The following GALNT9 variants were observed in gnomAD, a reference collection of about 807,000 sequenced individuals.
The protein encoded by GALNT9 is polypeptide N-acetylgalactosaminyltransferase 9, also known as GalNAc transferase 9.
A neutral mutation model predicts 63.1 loss-of-function variants in GALNT9; 47 were observed. That is an observed-to-expected ratio of 0.75 (90% confidence interval 0.59 to 0.95). GALNT9 has a LOEUF of 0.95. Ranked by LOEUF, GALNT9 falls within the 40% of genes least tolerant of loss-of-function variation. The pLI, the probability that GALNT9 is intolerant of heterozygous loss-of-function variation, is 0.00. For synonymous variants in GALNT9, 396 were observed against 365.7 expected, an observed-to-expected ratio of 1.08 and a Z score of -0.94; for missense variants, 829 against 874.8, an observed-to-expected ratio of 0.95 and a Z score of 0.66.
intron 1 of GALNT9, among the ~76,000 whole-genome samples, chr12:132,299,492 G>T: frequency 7.3e-6 from 1 of 137,110 alleles, no homozygotes; most frequent in African/African-American, 2.8e-5. Flanking sequence ...CCACTCCTGA[G>T]ATAACTCACT....
Position 132,315,791 on chromosome 12 carries a change from A to G in GALNT9, c.238+13175T>C. 6.6e-6 allele frequency among the ~76,000 whole-genome samples: 1 copy of G among 151,772 alleles called. No individual in the cohort carries two copies. On this transcript the variant is annotated intron_variant, in intron 1 of 10. Transcript: ENST00000328957. This position sits in a 1 kb window ranked among gnomAD's most constrained non-coding sequence, Gnocchi z 6.1. ...CAGAGCAGAGAGGGCTGAGCCACCC[A>G]CTCATACTCCCCACCGCGTCACACA...
At chr12:132,216,053 TAGAC>T (rs1378610254) in intron 6 of GALNT9, among the ~76,000 whole-genome samples, 1 of 151,648 alleles carries the variant, frequency 6.6e-6, no homozygotes, top group Non-Finnish European at 1.5e-5. Context: ...CATCTAATGA[TAGAC>T]AGAGACATAG....
intron 1 of GALNT9, among the ~76,000 whole-genome samples, chr12:132,312,155 A>G (rs1202347537): frequency 1.3e-5 from 2 of 152,266 alleles, no homozygotes; most frequent in African/African-American, 4.8e-5. Flanking sequence ...CCATGAAGTC[A>G]TGAATATTTT....
chr12:132,323,602 A>ATTTT (rs1475422913), intron 1 of GALNT9, among the ~76,000 whole-genome samples: 1 of 152,152 alleles, frequency 6.6e-6, no homozygotes, highest in Non-Finnish European at 1.5e-5. Context: ...CACAACCAAA[A>ATTTT]TGTCGTTCAT....
intron 1 of GALNT9, among the ~76,000 whole-genome samples, chr12:132,300,842 A>G (rs961903722): frequency 6.7e-6 from 1 of 149,572 alleles, no homozygotes; most frequent in Non-Finnish European, 1.5e-5. Flanking sequence ...TAACCAACCC[A>G]CTCCTGAGAT....
rs745881486 is a variant in GALNT9, at chr12:132,197,848, G to C, written c.1609C>G (p.Leu537Val). The change falls in exon 10 of 11, where the codon CTG (leucine) becomes GTG (valine). Residue 537 changes from leucine to valine, a missense_variant. Leu to Val is a conservative substitution (Grantham distance 32, BLOSUM62 1). Transcript: ENST00000328957. Reference sequence around the variant, plus strand: ...CGCGCCACATCCTCACACTTCTTCAGGGTGGGCATGCGGCCCGTGCCGTCA... The same window carrying C: ...CGCGCCACATCCTCACACTTCTTCACGGTGGGCATGCGGCCCGTGCCGTCA... ...VDDGTGRMPT[L>V]KKCEDVARPT... The C allele has an allele frequency of 7.5e-6, 12 of 1,606,836 alleles. No homozygotes were observed. The East Asian group carries it at 2.7e-4, about 36-fold the overall frequency.
intron 6 of GALNT9, among the ~76,000 whole-genome samples, chr12:132,210,793 C>T (rs1354333888): frequency 2.6e-5 from 4 of 151,420 alleles, no homozygotes; most frequent in Non-Finnish European, 4.4e-5. Flanking sequence ...TGGAGGTCGC[C>T]GTCTGGCGGT....
At chr12:132,320,028 G>A (rs1476095879) in intron 1 of GALNT9, among the ~76,000 whole-genome samples, 4 of 152,318 alleles carry the variant, frequency 2.6e-5, no homozygotes, top group Middle Eastern at 3.4e-3. Context: ...TCCCGTTAGC[G>A]TTCACTCTGT....
At chr12:132,289,140 G>A (rs968557902) in intron 1 of GALNT9, among the ~76,000 whole-genome samples, 1 of 152,180 alleles carries the variant, frequency 6.6e-6, no homozygotes, top group Non-Finnish European at 1.5e-5. Context: ...TCAGCTCCAG[G>A]AAGTTTGCTC....
At chr12:132,221,769 T>C (rs542553765) in intron 6 of GALNT9, among the ~76,000 whole-genome samples, 7 of 151,074 alleles carry the variant, frequency 4.6e-5, no homozygotes, top group Non-Finnish European at 1.0e-4. Flanking sequence ...ATCAGAGGAA[T>C]TCGGGGGCCC....
chr12:132,290,395 A>G (rs1477687194), intron 1 of GALNT9, among the ~76,000 whole-genome samples: 1 of 152,124 alleles, frequency 6.6e-6, no homozygotes, highest in Non-Finnish European at 1.5e-5. Flanking sequence ...GGCCGTCCCA[A>G]CGCGCTGTGT....
chr12:132,222,176 C>T (rs925107389), intron 6 of GALNT9, among the ~76,000 whole-genome samples: 7 of 152,088 alleles, frequency 4.6e-5, no homozygotes, highest in African/African-American at 7.2e-5. Context: ...CAACTCCAAA[C>T]GGATGAAGGC....
At chr12:132,307,493 C>T (rs1429538823) in intron 1 of GALNT9, among the ~76,000 whole-genome samples, 4 of 152,010 alleles carry the variant, frequency 2.6e-5, no homozygotes, top group Admixed American at 1.3e-4. Flanking sequence ...ACGGAGAGTG[C>T]CCTTGATCAC....
chr12:132,230,982 G>GA (rs1877870498), intron 6 of GALNT9, among the ~76,000 whole-genome samples: 1 of 151,866 alleles, frequency 6.6e-6, no homozygotes, highest in African/African-American at 2.4e-5. Context: ...CCACACACTC[G>GA]ATGGAGTGAC....
rs548968301 is a variant in GALNT9, at chr12:132,271,318, C to T, written c.420-8693G>A. The stretch of plus-strand genomic sequence containing the variant: ...GGAGACAGGAGAGAGGAGAACGCTG[C>T]CACGCCCCGCCCGGCTCCCACCCGT... On this transcript the variant is annotated intron_variant, in intron 2 of 10. Transcript: ENST00000328957. 6.4e-3 allele frequency among the ~76,000 whole-genome samples: 977 copies of T among 152,160 alleles called. 7 individuals carry two copies. Among genetic ancestry groups the T allele is most frequent in the African/African-American group, 0.021 (884 of 41,502 alleles).
rs1261151992 is a variant in GALNT9, at chr12:132,230,772, T to G, written c.1077+17138A>C. Among the ~76,000 whole-genome samples, 6 of 152,376 alleles carry G rather than the reference T, an allele frequency of 3.9e-5. No homozygotes were observed. The East Asian group carries it at 9.7e-4, about 25-fold the overall frequency. The stretch of plus-strand genomic sequence containing the variant: ...TAGCCACACTGGAGGCTGAGGTATG[T>G]GTTAACGGGGTAACAGTCCGGGTTA... On this transcript the variant is annotated intron_variant, in intron 6 of 10. Coordinates refer to ENST00000328957, the MANE Select transcript of GALNT9 (RefSeq NM_001122636.2).
At chr12:132,254,836 A>G (rs1351100611) in intron 5 of GALNT9, among the ~76,000 whole-genome samples, 2 of 152,226 alleles carry the variant, frequency 1.3e-5, no homozygotes, top group African/African-American at 4.8e-5. Context: ...AGCATCAGCA[A>G]ATGATAAACA....
At chr12:132,323,562 T>A (rs921537806) in intron 1 of GALNT9, among the ~76,000 whole-genome samples, 1 of 152,176 alleles carries the variant, frequency 6.6e-6, no homozygotes, top group Non-Finnish European at 1.5e-5. Context: ...GGAGGACAGC[T>A]GTGTGTGAGT....
At chr12:132,237,799 G>A (rs1555236452) in intron 6 of GALNT9, among the ~76,000 whole-genome samples, 2 of 152,238 alleles carry the variant, frequency 1.3e-5, no homozygotes, top group African/African-American at 4.8e-5. Flanking sequence ...AGCAAGCCCG[G>A]GACAGCGCTT....
Sources: allele counts gnomAD v4.1 joint callset (sites outside exome capture counted in the v4.1 genomes callset), GRCh38; gene constraint gnomAD v4.1.1; non-coding constraint Gnocchi (gnomAD v3.1); transcripts MANE v1.5; gene names NCBI Gene and HGNC (gene_info 2026-07-23, HGNC 2026-07-21).